PREP: variants seen among roughly 807,000 people sequenced by gnomAD.
PREP encodes prolyl endopeptidase, also known as dJ355L5.1 (prolyl endopeptidase).
PREP carries 29 observed loss-of-function variants against 87.6 expected under a neutral mutation model. The ratio of observed to expected loss-of-function variants is 0.33; its 90% CI spans 0.25 to 0.45. The LOEUF (loss-of-function observed/expected upper bound fraction) is 0.45. Ranked by LOEUF, PREP falls within the 20% of genes least tolerant of loss-of-function variation. The probability of loss-of-function intolerance (pLI) is 1.00; values close to 1 mark genes in which losing one functional copy is unlikely to be tolerated. For synonymous variants in PREP, 337 were observed against 328.6 expected (o/e 1.03, Z -0.28); for missense variants, 695 against 886.5 (o/e 0.78, Z 2.74).
intron 10 of PREP, among the ~76,000 whole-genome samples, chr6:105,312,690 T>C (rs981355660): frequency 2.0e-5 from 3 of 152,206 alleles, no homozygotes; most frequent in Admixed American, 6.5e-5. Context: ...CGTCTTCTGC[T>C]TTACACTGAG....
At chr6:105,318,940 C>T (rs116709395) in intron 10 of PREP, among the ~76,000 whole-genome samples, 111 of 152,162 alleles carry the variant, frequency 7.3e-4, no homozygotes, top group African/African-American at 2.4e-3. Context: ...TATTGAAACA[C>T]GAATTAATGT....
At chr6:105,290,556 T>C (rs560557840) in intron 10 of PREP, among the ~76,000 whole-genome samples, 28 of 152,298 alleles carry the variant, frequency 1.8e-4, no homozygotes, top group African/African-American at 6.5e-4. Context: ...GCTGGACTGA[T>C]ACACTCCTCA....
rs531463047 is a variant in PREP, at chr6:105,278,879, A to G, written c.1839-441T>C. On this transcript the variant is annotated intron_variant, in intron 14 of 14. Coordinates refer to ENST00000652536, the MANE Select transcript of PREP (RefSeq NM_002726.5). The surrounding 1 kb of genome is among the most constrained non-coding windows in gnomAD (Gnocchi z 4.2). ...TATAAAGGGGCTTGCTGCCCCTTTA[A>G]TAACATCTATAAAGCCTTTATTCCA... The G allele has an allele frequency of 6.4e-6, 1 of 156,636 alleles. No homozygotes were observed. Among genetic ancestry groups the G allele is most frequent in the Non-Finnish European group, 1.4e-5 (1 of 70,770 alleles). 9.7% of individuals were successfully genotyped at this position (156,636 alleles called of 1,614,324 possible). A position where few individuals can be genotyped will look rare whatever the true frequency, so the allele number is the denominator to read the frequency against.
intron 6 of PREP, among the ~76,000 whole-genome samples, chr6:105,355,316 C>T (rs1583077417): frequency 6.6e-6 from 1 of 152,134 alleles, no homozygotes; most frequent in Non-Finnish European, 1.5e-5. Flanking sequence ...GAACTTCTGA[C>T]CTCAAGGTGA....
chr6:105,368,391 C>T (rs1383328475), intron 6 of PREP, among the ~76,000 whole-genome samples: 4 of 152,142 alleles, frequency 2.6e-5, no homozygotes, highest in South Asian at 2.1e-4. Context: ...GAGGTTGGTC[C>T]CTGTCAAGAC....
chr6:105,338,658 C>T (rs146046596), intron 7 of PREP, among the ~76,000 whole-genome samples: 81 of 152,316 alleles, frequency 5.3e-4, no homozygotes, highest in African/African-American at 7.0e-4. Context: ...CCGTGACAGA[C>T]GGTACCTGGA....
At chr6:105,344,930 G>A (rs903980743) in intron 7 of PREP, among the ~76,000 whole-genome samples, 2 of 152,192 alleles carry the variant, frequency 1.3e-5, no homozygotes, top group Non-Finnish European at 2.9e-5. Flanking sequence ...ATTAACCTTA[G>A]CCATAAATAC....
At chr6:105,291,980 T>G (rs1052799732) in intron 10 of PREP, among the ~76,000 whole-genome samples, 1 of 152,206 alleles carries the variant, frequency 6.6e-6, no homozygotes, top group African/African-American at 2.4e-5. Flanking sequence ...TATCATGAGA[T>G]TTCAGCAGTT....
At chr6:105,363,595 A>G (rs1023404317) in intron 6 of PREP, among the ~76,000 whole-genome samples, 8 of 152,188 alleles carry the variant, frequency 5.3e-5, no homozygotes, top group African/African-American at 1.9e-4. Context: ...TGCAGGAGGG[A>G]CTGAATGTGG....
Position 105,329,042 on chromosome 6 carries a change from G to A in PREP, c.1016-16C>T, listed in dbSNP as rs1771250777. ...GCTATCCATTCTGAAAGGATAAGAAGAGAAAAAACCTAATGCAATTTAAAA... is the reference window on the plus strand; with the variant it reads ...GCTATCCATTCTGAAAGGATAAGAAAAGAAAAAACCTAATGCAATTTAAAA... On this transcript the variant is annotated splice_polypyrimidine_tract_variant and intron_variant, in intron 8 of 14. Coordinates refer to ENST00000652536, the MANE Select transcript of PREP (RefSeq NM_002726.5). The A allele has an allele frequency of 6.2e-7, 1 of 1,604,122 alleles. No homozygotes were observed. Among genetic ancestry groups the A allele is most frequent in the Non-Finnish European group, 8.5e-7 (1 of 1,171,572 alleles).
intron 7 of PREP, among the ~76,000 whole-genome samples, chr6:105,349,207 G>C (rs1319711749): frequency 6.6e-6 from 1 of 152,200 alleles, no homozygotes; most frequent in African/African-American, 2.4e-5. Flanking sequence ...TCCACAGCTT[G>C]CAACAAATGT....
intron 10 of PREP, among the ~76,000 whole-genome samples, chr6:105,291,196 C>T (rs1488161073): frequency 2.0e-5 from 3 of 152,190 alleles, no homozygotes; most frequent in South Asian, 2.1e-4. Flanking sequence ...GCCTTGCCTT[C>T]GTGTGGATGG....
chr6:105,331,326 C>T (rs1431620419), intron 8 of PREP, among the ~76,000 whole-genome samples: 1 of 152,206 alleles, frequency 6.6e-6, no homozygotes, highest in Non-Finnish European at 1.5e-5. Context: ...CCAACAAAAT[C>T]TCCTAGCATT....
rs981482121 is a variant in PREP at position 105,273,716 on chromosome 6, T to G, written c.*4428A>C. ...TCAGTTTCCCACAGTGTTGTCGGCTTTCATCTCTCAGTGGCTTCACCTGAC... is the reference window on the plus strand; with the variant it reads ...TCAGTTTCCCACAGTGTTGTCGGCTGTCATCTCTCAGTGGCTTCACCTGAC... On this transcript the variant is annotated 3_prime_UTR_variant, in exon 15 of 15. Transcript: ENST00000652536. 2 of 152,324 alleles carry G rather than the reference T, an allele frequency of 1.3e-5. No individual in the cohort carries two copies. The highest frequency in any genetic ancestry group is 4.8e-5 in the African/African-American group (2 of 41,432). 9.4% of individuals were successfully genotyped at this position (152,324 alleles called of 1,614,324 possible).
intron 7 of PREP, among the ~76,000 whole-genome samples, chr6:105,340,827 C>A (rs940910184): frequency 1.3e-5 from 2 of 152,172 alleles, no homozygotes; most frequent in Admixed American, 6.5e-5. Flanking sequence ...ATCAATTCAA[C>A]AAGAAGAGCT....
intron 7 of PREP, among the ~76,000 whole-genome samples, chr6:105,340,392 G>A (rs1771610508): frequency 6.6e-6 from 1 of 152,082 alleles, no homozygotes; most frequent in Admixed American, 6.6e-5. Context: ...CCTGAAGGAA[G>A]CACTAAACAT....
At chr6:105,396,954 C>T (rs917823876) in intron 2 of PREP, among the ~76,000 whole-genome samples, 7 of 152,038 alleles carry the variant, frequency 4.6e-5, no homozygotes, top group South Asian at 2.1e-4. Context: ...GAGGCCGAGG[C>T]GGGAGGATCA....
intron 9 of PREP, among the ~76,000 whole-genome samples, chr6:105,324,029 A>G (rs1233546363): frequency 1.3e-5 from 2 of 152,256 alleles, no homozygotes; most frequent in Non-Finnish European, 2.9e-5. Flanking sequence ...GTAAGTATAT[A>G]CATTTTAGAA....
chr6:105,313,970 T>C (rs998154387), intron 10 of PREP, among the ~76,000 whole-genome samples: 3 of 152,250 alleles, frequency 2.0e-5, no homozygotes, highest in African/African-American at 7.2e-5. Flanking sequence ...TGTGTGTCTA[T>C]ACAGGCACAC....
Sources: gnomAD v4.1 joint callset for allele counts (sites outside exome capture counted in the v4.1 genomes callset) on GRCh38, gnomAD v4.1.1 for gene constraint, Gnocchi (gnomAD v3.1) non-coding constraint, MANE v1.5 for transcripts, NCBI Gene and HGNC (gene_info 2026-07-23, HGNC 2026-07-21) for gene names.